GLRX3: variants seen among roughly 807,000 people sequenced by gnomAD.
The protein encoded by GLRX3 is glutaredoxin 3, also known as glutaredoxin-3.
In GLRX3, 22 loss-of-function variants were observed where a neutral mutation model predicts 49.5. The observed-to-expected ratio is 0.44, with a 90% CI of 0.32 to 0.63. GLRX3 has a LOEUF of 0.63. GLRX3 is among the 30% of genes least tolerant of loss of function. The pLI is 0.05. For synonymous variants in GLRX3, 133 were observed against 140.0 expected (o/e 0.95, Z 0.35); for missense variants, 385 against 396.3 (o/e 0.97, Z 0.24).
chr10:130,167,753 C>A (rs1862721078), intron 6 of GLRX3, among the ~76,000 whole-genome samples: 2 of 151,932 alleles, frequency 1.3e-5, no homozygotes, highest in Non-Finnish European at 2.9e-5. Flanking sequence ...ATAATAAATA[C>A]CTCATTTGTC....
intron 7 of GLRX3, 135 bp downstream of exon 7, chr10:130,169,625 T>C (rs1387317645): frequency 3.8e-5 from 25 of 652,120 alleles, no homozygotes; most frequent in Non-Finnish European, 2.2e-5. Context: ...ACGCCTTAAT[T>C]GGTGCTTACG....
chr10:130,136,977 G>T (rs549736260), intron 1 of GLRX3, among the ~76,000 whole-genome samples: 1 of 152,350 alleles, frequency 6.6e-6, no homozygotes, highest in Non-Finnish European at 1.5e-5. Context: ...GGGAGGGAGC[G>T]GCAGGCTCGG....
intron 2 of GLRX3, 81 bp downstream of exon 2, chr10:130,145,400 C>T (rs1862252741): frequency 2.9e-6 from 2 of 683,898 alleles, no homozygotes; most frequent in Non-Finnish European, 2.7e-6. Context: ...CGGTAGCTCA[C>T]ACCTGTAATC....
intron 8 of GLRX3, among the ~76,000 whole-genome samples, chr10:130,173,061 A>G (rs1862844272): frequency 2.0e-5 from 3 of 152,294 alleles, no homozygotes; most frequent in Admixed American, 6.5e-5. Context: ...CCTGGGCCAT[A>G]CAGTGGGGGC....
intron 4 of GLRX3, among the ~76,000 whole-genome samples, chr10:130,162,409 A>T (rs144643357): frequency 3.8e-4 from 58 of 152,336 alleles, no homozygotes; most frequent in African/African-American, 1.3e-3. Flanking sequence ...AGCAACAGAT[A>T]GTCTCTGTTG....
intron 1 of GLRX3, among the ~76,000 whole-genome samples, chr10:130,142,419 G>A (rs186268757): frequency 4.5e-4 from 68 of 152,246 alleles, no homozygotes; most frequent in Admixed American, 1.8e-3. Context: ...TCTTCTTCAA[G>A]GTAAGCTCTT....
At chr10:130,137,003 C>T (rs12259362) in intron 1 of GLRX3, among the ~76,000 whole-genome samples, 13,572 of 152,356 alleles carry the variant, frequency 0.089, 987 homozygotes, top group African/African-American at 0.2. Flanking sequence ...GCCCATTGCT[C>T]TTCAGCCTCC....
intron 1 of GLRX3, 23 bp downstream of exon 1, chr10:130,136,535 G>A (rs1862055046): frequency 1.6e-6 from 2 of 1,257,420 alleles, no homozygotes; most frequent in South Asian, 7.1e-5. Flanking sequence ...GCGAGCGGTA[G>A]GAGTGAGGAG....
At chr10:130,175,240 G>A in intron 10 of GLRX3, 151 bp downstream of exon 10, 1 of 645,258 alleles carries the variant, frequency 1.5e-6, no homozygotes, top group East Asian at 2.7e-5. Flanking sequence ...CACCGTTTCT[G>A]TGTGCATGAC....
At chr10:130,158,840 A>G (rs1236949611) in intron 2 of GLRX3, among the ~76,000 whole-genome samples, 1 of 152,208 alleles carries the variant, frequency 6.6e-6, no homozygotes, top group African/African-American at 2.4e-5. Flanking sequence ...GTACATTTTA[A>G]AAATGGAAAT....
chr10:130,172,185 T>C (rs1862823906), intron 8 of GLRX3, among the ~76,000 whole-genome samples: 1 of 152,200 alleles, frequency 6.6e-6, no homozygotes, highest in Non-Finnish European at 1.5e-5. Context: ...TTGTCTACTT[T>C]CCCAGAGGAA....
chr10:130,170,261 A>C (rs919890943), intron 7 of GLRX3, among the ~76,000 whole-genome samples: 1 of 152,206 alleles, frequency 6.6e-6, no homozygotes, highest in Admixed American at 6.5e-5. Flanking sequence ...AAGTTTTGAA[A>C]GGTGAGGCTG....
intron 10 of GLRX3, among the ~76,000 whole-genome samples, chr10:130,176,276 C>G (rs1281521733): frequency 6.6e-6 from 1 of 152,010 alleles, no homozygotes; most frequent in East Asian, 1.9e-4. Flanking sequence ...CCCGCCACCA[C>G]GCCCCACTAA....
In GLRX3 at chr10:130,136,519, G is replaced by T; in HGVS notation, c.92+7G>T. On this transcript the variant is annotated splice_region_variant and intron_variant, in intron 1 of 10. Coordinates refer to ENST00000331244, the MANE Select transcript of GLRX3 (RefSeq NM_006541.5). The stretch of plus-strand genomic sequence containing the variant: ...TGCTGCGCCTCAAAGCCAAGTAAGC[G>T]GGGCGGCGAGCGGTAGGAGTGAGGA... 2 of 1,262,180 alleles carry T rather than the reference G, an allele frequency of 1.6e-6. No individual in the cohort carries two copies. The highest frequency in any genetic ancestry group is 2.0e-6 in the Non-Finnish European group (2 of 996,588). 78.2% of individuals were successfully genotyped at this position (1,262,180 alleles called of 1,614,324 possible). A position where few individuals can be genotyped will look rare whatever the true frequency, so the allele number is the denominator to read the frequency against.
At chr10:130,178,538 G>A (rs996264960) in intron 10 of GLRX3, among the ~76,000 whole-genome samples, 2 of 151,986 alleles carry the variant, frequency 1.3e-5, no homozygotes, top group South Asian at 4.1e-4. Flanking sequence ...ATAGGTGTGA[G>A]CCACTGCGCC....
chr10:130,145,175 T>C (rs1000931004), intron 1 of GLRX3, 36 bp from the exon 2 acceptor site: 12 of 807,288 alleles, frequency 1.5e-5, no homozygotes, highest in African/African-American at 3.4e-5. Flanking sequence ...CCAAAATTGG[T>C]ATAATTTTAA....
intron 1 of GLRX3, among the ~76,000 whole-genome samples, chr10:130,138,061 G>GT (rs765763500): frequency 4.3e-4 from 66 of 151,848 alleles, no homozygotes; most frequent in Non-Finnish European, 6.9e-4. Flanking sequence ...TCTAAATTTT[G>GT]TTTTGTTTGT....
intron 10 of GLRX3, among the ~76,000 whole-genome samples, chr10:130,175,383 C>T (rs1862897298): frequency 6.6e-6 from 1 of 152,158 alleles, no homozygotes; most frequent in Admixed American, 6.5e-5. Flanking sequence ...GCTTCAGCTC[C>T]CAGACAACAA....
chr10:130,154,640 T>C (rs571599189), intron 2 of GLRX3, among the ~76,000 whole-genome samples: 1 of 152,246 alleles, frequency 6.6e-6, no homozygotes, highest in East Asian at 1.9e-4. Context: ...TGTTCCTGAA[T>C]AGCAGGTTTA....
Sources: gnomAD v4.1 joint callset for allele counts (sites outside exome capture counted in the v4.1 genomes callset) on GRCh38, gnomAD v4.1.1 for gene constraint, MANE v1.5 for transcripts, NCBI Gene and HGNC (gene_info 2026-07-23, HGNC 2026-07-21) for gene names.